The following BMAL1 variants were observed in gnomAD, a reference collection of about 807,000 sequenced individuals.
BMAL1 encodes basic helix-loop-helix ARNT like 1.
At chr11:13,363,679 G>C in the BMAL1 span, among the ~76,000 whole-genome samples, 1 of 152,234 alleles carries the variant, frequency 6.6e-6, no homozygotes, top group Admixed American at 6.5e-5. Context: ...AACTGTATCA[G>C]TTTACAATGT....
chr11:13,294,451 T>C, the BMAL1 span, among the ~76,000 whole-genome samples: 1 of 152,238 alleles, frequency 6.6e-6, no homozygotes, highest in East Asian at 1.9e-4. Context: ...AGTTAAAAAT[T>C]AATCTCACAA....
At chr11:13,294,098 G>A in the BMAL1 span, among the ~76,000 whole-genome samples, 2 of 152,170 alleles carry the variant, frequency 1.3e-5, no homozygotes, top group African/African-American at 4.8e-5. Context: ...TGGGGGCTCA[G>A]TGGAATAATC....
the BMAL1 span, chr11:13,354,198 C>CA: frequency 1.4e-6 from 1 of 697,430 alleles, no homozygotes; most frequent in South Asian, 1.6e-5. Context: ...TCTCCCCCCC[C>CA]GGCCCCCCAC....
chr11:13,326,145 G>A, the BMAL1 span, among the ~76,000 whole-genome samples: 65 of 151,174 alleles, frequency 4.3e-4, no homozygotes, highest in Non-Finnish European at 8.4e-4. Context: ...AGAGGTTGCA[G>A]TTGAGCCGAT....
the BMAL1 span, among the ~76,000 whole-genome samples, chr11:13,372,952 A>G: frequency 6.6e-6 from 1 of 152,246 alleles, no homozygotes; most frequent in Non-Finnish European, 1.5e-5. Flanking sequence ...TGGCTAAAAG[A>G]AAAACAGTAG....
the BMAL1 span, among the ~76,000 whole-genome samples, chr11:13,282,016 T>C: frequency 6.6e-6 from 1 of 152,228 alleles, no homozygotes; most frequent in Non-Finnish European, 1.5e-5. Flanking sequence ...GCAGGTCCGT[T>C]GTGGACATGA....
chr11:13,380,256 C>A, the BMAL1 span: 117,613 of 152,136 alleles, frequency 0.77, 46,238 homozygotes, highest in Middle Eastern at 0.88. Context: ...TAAGAAGCTT[C>A]TAATCCAGAA....
the BMAL1 span, among the ~76,000 whole-genome samples, chr11:13,293,045 G>A: frequency 6.6e-6 from 1 of 152,314 alleles, no homozygotes; most frequent in South Asian, 2.1e-4. Context: ...GTGTTGTGGT[G>A]GCGATGGAAG....
At chr11:13,332,962 CTT>C in the BMAL1 span, among the ~76,000 whole-genome samples, 137 of 141,088 alleles carry the variant, frequency 9.7e-4, no homozygotes, top group South Asian at 4.1e-3. Context: ...TCGATACTGT[CTT>C]TTTTTTTTTT....
At chr11:13,346,930 C>T in the BMAL1 span, among the ~76,000 whole-genome samples, 90 of 152,344 alleles carry the variant, frequency 5.9e-4, no homozygotes, top group African/African-American at 2.1e-3. Context: ...GCTCAAATCC[C>T]TTTTGGAAGT....
the BMAL1 span, among the ~76,000 whole-genome samples, chr11:13,318,816 T>C: frequency 2.6e-5 from 4 of 152,166 alleles, no homozygotes; most frequent in Non-Finnish European, 2.9e-5. Context: ...TTTTTTTAAA[T>C]TATTATTTTA....
At chr11:13,381,520 A>C in the BMAL1 span, among the ~76,000 whole-genome samples, 1 of 152,202 alleles carries the variant, frequency 6.6e-6, no homozygotes, top group Non-Finnish European at 1.5e-5. Flanking sequence ...CATTTAATTG[A>C]GGGAGCAATT....
the BMAL1 span, among the ~76,000 whole-genome samples, chr11:13,283,953 C>T: frequency 1.3e-5 from 2 of 151,404 alleles, no homozygotes; most frequent in Non-Finnish European, 2.9e-5. Context: ...ACCCCACCTC[C>T]CACCCTCATC....
chr11:13,336,449 G>A, the BMAL1 span, among the ~76,000 whole-genome samples: 2 of 152,130 alleles, frequency 1.3e-5, no homozygotes, highest in African/African-American at 2.4e-5. Context: ...GCTGTGGGCA[G>A]GTCCAAGGGA....
the BMAL1 span, chr11:13,381,115 A>T: frequency 4.4e-6 from 7 of 1,585,370 alleles, no homozygotes; most frequent in Non-Finnish European, 5.2e-6. Flanking sequence ...AAGCACATAC[A>T]CTCCACTGAA....
the BMAL1 span, chr11:13,374,061 T>C: frequency 6.3e-7 from 1 of 1,595,100 alleles, no homozygotes; most frequent in South Asian, 1.1e-5. Flanking sequence ...TGAATGGCTT[T>C]TTCTTCTTTA....
At chr11:13,299,158 A>G in the BMAL1 span, among the ~76,000 whole-genome samples, 1 of 152,200 alleles carries the variant, frequency 6.6e-6, no homozygotes, top group African/African-American at 2.4e-5. Context: ...GAGCTTGGCA[A>G]CCACTTAAAT....
the BMAL1 span, among the ~76,000 whole-genome samples, chr11:13,289,724 A>G: frequency 6.6e-6 from 1 of 152,152 alleles, no homozygotes; most frequent in Non-Finnish European, 1.5e-5. Context: ...ATCCTTTTTT[A>G]TGGCTGCATA....
At chr11:13,309,073 A>C in the BMAL1 span, among the ~76,000 whole-genome samples, 3 of 152,258 alleles carry the variant, frequency 2.0e-5, no homozygotes, top group East Asian at 1.9e-4. Flanking sequence ...TAAGACTGCA[A>C]ATTTTATGTG....
Sources: gnomAD v4.1 joint callset for allele counts (sites outside exome capture counted in the v4.1 genomes callset) on GRCh38, gnomAD v4.1.1 for gene constraint, MANE v1.5 for transcripts, NCBI Gene and HGNC (gene_info 2026-07-23, HGNC 2026-07-21) for gene names.